The following C2CD3 variants were observed in gnomAD, a reference collection of about 807,000 sequenced individuals.
The protein encoded by C2CD3 is C2 domain containing 3 centriole elongation regulator, also known as C2 domain-containing protein 3.
C2CD3 carries 148 observed loss-of-function variants against 234.0 expected under a neutral mutation model. The observed-to-expected ratio is 0.63, with a 90% CI of 0.55 to 0.72. The LOEUF (loss-of-function observed/expected upper bound fraction) is 0.72, where lower values mean the gene tolerates loss of function less well. C2CD3 is among the 30% of genes least tolerant of loss of function. The pLI is 0.00. For synonymous variants in C2CD3, 1,000 were observed against 1,035.4 expected (o/e 0.97, Z 0.66); for missense variants, 2,577 against 2,811.5 (o/e 0.92, Z 1.89).
chr11:74,118,212 A>T lies in C2CD3; in HGVS notation c.1520+16T>A. 1 of 1,604,560 alleles carries T rather than the reference A, an allele frequency of 6.2e-7. No individual in the cohort carries two copies. Among genetic ancestry groups the T allele is most frequent in the Non-Finnish European group, 8.5e-7 (1 of 1,175,138 alleles). On this transcript the variant is annotated intron_variant, in intron 9 of 32. Coordinates refer to ENST00000334126, the MANE Select transcript of C2CD3 (RefSeq NM_001286577.2). Reference sequence around the variant, plus strand: ...CCTTTGTGTTTACCTTTAAATAAACAGTCAGAGCAGCTCACCTATTTCTCT... The same window carrying T: ...CCTTTGTGTTTACCTTTAAATAAACTGTCAGAGCAGCTCACCTATTTCTCT...
intron 26 of C2CD3, among the ~76,000 whole-genome samples, chr11:74,051,050 G>T (rs1275092506): frequency 6.6e-6 from 1 of 151,398 alleles, no homozygotes; most frequent in African/African-American, 2.5e-5. Flanking sequence ...ACTTTGGGAG[G>T]TTGAGGAGGG....
At chr11:74,153,503 T>A (rs1453952854) in intron 3 of C2CD3, among the ~76,000 whole-genome samples, 2 of 152,160 alleles carry the variant, frequency 1.3e-5, no homozygotes, top group Non-Finnish European at 2.9e-5. Flanking sequence ...TATGCAAGCC[T>A]GCATGATGCT....
At chr11:74,105,745 T>C (rs542018163) in intron 13 of C2CD3, among the ~76,000 whole-genome samples, 1 of 152,334 alleles carries the variant, frequency 6.6e-6, no homozygotes, top group African/African-American at 2.4e-5. Flanking sequence ...TTATTTCAAT[T>C]ACTCTAGTCT....
At chr11:74,126,585 A>T (rs917374883) in intron 7 of C2CD3, among the ~76,000 whole-genome samples, 5 of 152,178 alleles carry the variant, frequency 3.3e-5, no homozygotes, top group African/African-American at 1.2e-4. Flanking sequence ...TCTACTAAAG[A>T]TACAAAAAAT....
chr11:74,135,284 T>C (rs77881940), intron 5 of C2CD3, among the ~76,000 whole-genome samples: 1 of 152,042 alleles, frequency 6.6e-6, no homozygotes, highest in African/African-American at 2.4e-5. Context: ...TTTTTTTTTT[T>C]TGAGACAAGG....
intron 3 of C2CD3, among the ~76,000 whole-genome samples, chr11:74,153,829 A>C (rs1192743294): frequency 2.4e-4 from 37 of 152,184 alleles, no homozygotes; most frequent in Non-Finnish European, 1.5e-5. Context: ...TCCTAAGGAC[A>C]GAAATTCTAA....
At chr11:74,094,511 C>G (rs570998394) in intron 17 of C2CD3, among the ~76,000 whole-genome samples, 7 of 152,114 alleles carry the variant, frequency 4.6e-5, no homozygotes, top group African/African-American at 9.7e-5. Flanking sequence ...GCAAAAAGTT[C>G]GAGTCACCTG....
chr11:74,067,993 G>A (rs1348671042), intron 24 of C2CD3, among the ~76,000 whole-genome samples: 1 of 152,132 alleles, frequency 6.6e-6, no homozygotes, highest in Non-Finnish European at 1.5e-5. Flanking sequence ...TGGTCCCTGG[G>A]TGCAGAGAGG....
chr11:74,122,961 C>T, intron 8 of C2CD3, 27 bp downstream of exon 8: 1 of 1,593,990 alleles, frequency 6.3e-7, no homozygotes, highest in Non-Finnish European at 8.6e-7. Flanking sequence ...TTCTCTAATT[C>T]TCAATGCTTC....
chr11:74,073,075 T>G (rs1954872403), intron 24 of C2CD3, among the ~76,000 whole-genome samples: 2 of 152,162 alleles, frequency 1.3e-5, no homozygotes, highest in South Asian at 4.1e-4. Flanking sequence ...ATTACAATGC[T>G]GAATAAAGGT....
intron 26 of C2CD3, among the ~76,000 whole-genome samples, chr11:74,052,516 C>T (rs1414466008): frequency 1.3e-5 from 2 of 152,086 alleles, no homozygotes; most frequent in African/African-American, 2.4e-5. Context: ...TTCTCTTTTT[C>T]CTGCTAAAAT....
At chr11:74,124,070 A>C (rs1005878170) in intron 7 of C2CD3, among the ~76,000 whole-genome samples, 4 of 152,136 alleles carry the variant, frequency 2.6e-5, no homozygotes, top group Non-Finnish European at 5.9e-5. Context: ...TATAAATTCC[A>C]TATTTTCCCT....
intron 32 of C2CD3, among the ~76,000 whole-genome samples, chr11:74,024,149 A>G (rs940613257): frequency 2.6e-5 from 4 of 152,210 alleles, no homozygotes; most frequent in African/African-American, 7.2e-5. Context: ...GAGAAAATCA[A>G]ACAAGAAGTG....
In C2CD3 at chr11:74,069,327, A is replaced by C. The variant is rs552396858; in HGVS notation, c.4951+4926T>G. On this transcript the variant is annotated intron_variant, in intron 24 of 32. Coordinates refer to ENST00000334126, the MANE Select transcript of C2CD3 (RefSeq NM_001286577.2). ...GCCTGTTTACATTCTGAAAAAGGTC[A>C]AGTTCTGAAATACTTTTGGAAGCAG... Among the ~76,000 whole-genome samples, 7 of 152,282 alleles carry C rather than the reference A, an allele frequency of 4.6e-5. No homozygotes were observed. The East Asian group carries it at 9.6e-4, about 21-fold the overall frequency.
intron 7 of C2CD3, among the ~76,000 whole-genome samples, chr11:74,131,049 A>G (rs1313404864): frequency 2.0e-5 from 3 of 152,026 alleles, no homozygotes; most frequent in Middle Eastern, 3.4e-3. Context: ...CTGTTGCTCA[A>G]GGGATTCTCC....
chr11:74,040,963 A>AT (rs1250408149), intron 29 of C2CD3, among the ~76,000 whole-genome samples: 15 of 133,068 alleles, frequency 1.1e-4, no homozygotes, highest in Non-Finnish European at 2.2e-4. Flanking sequence ...TTTTTCCTTA[A>AT]ATTTTTTTTT....
chr11:74,061,658 G>A (rs1185463367), intron 24 of C2CD3, among the ~76,000 whole-genome samples: 6 of 152,112 alleles, frequency 3.9e-5, no homozygotes, highest in African/African-American at 7.2e-5. Flanking sequence ...AGTACTGGCC[G>A]CTCCACAAAC....
At chr11:74,052,452 T>C (rs888192000) in intron 26 of C2CD3, among the ~76,000 whole-genome samples, 2 of 152,216 alleles carry the variant, frequency 1.3e-5, no homozygotes, top group South Asian at 2.1e-4. Context: ...ATAGTTATTA[T>C]AGTAAACAGC....
At chr11:74,127,016 C>A (rs1192027041) in intron 7 of C2CD3, among the ~76,000 whole-genome samples, 1 of 152,132 alleles carries the variant, frequency 6.6e-6, no homozygotes, top group Non-Finnish European at 1.5e-5. Context: ...TGACTGGCTT[C>A]TTTTTATCTG....
Sources: allele counts gnomAD v4.1 joint callset (sites outside exome capture counted in the v4.1 genomes callset), GRCh38; gene constraint gnomAD v4.1.1; transcripts MANE v1.5; gene names NCBI Gene and HGNC (gene_info 2026-07-23, HGNC 2026-07-21).